ADGRV1: variants seen among roughly 807,000 people sequenced by gnomAD.
ADGRV1 encodes G-protein coupled receptor 98.
ADGRV1 carries 359 observed loss-of-function variants against 596.2 expected under a neutral mutation model. The ratio of observed to expected loss-of-function variants is 0.60; its 90% CI spans 0.55 to 0.66. ADGRV1 has a LOEUF of 0.66. ADGRV1 is among the 30% of genes least tolerant of loss of function. ADGRV1 has a pLI of 0.00. For missense variants in ADGRV1, 7,274 were observed against 7,575.6 expected (o/e 0.96, Z 1.48); for synonymous variants, 2,681 against 2,679.2 (o/e 1.00, Z -0.02).
intron 85 of ADGRV1, among the ~76,000 whole-genome samples, chr5:91,054,086 TGTGTGTGTGTGTGTGTGAGA>T (rs921740274): frequency 5.6e-5 from 7 of 125,796 alleles, no homozygotes; most frequent in African/African-American, 2.3e-4. Flanking sequence ...TGTGTGTGTG[TGTGTGTGTGTGTGTGTGAGA>T]GAGAGAGAGA....
intron 85 of ADGRV1, among the ~76,000 whole-genome samples, chr5:91,033,121 T>G (rs1784610291): frequency 6.6e-6 from 1 of 152,212 alleles, no homozygotes; most frequent in East Asian, 1.9e-4. Context: ...AGCTTTTTGT[T>G]AACTTCCTTT....
intron 86 of ADGRV1, among the ~76,000 whole-genome samples, chr5:91,081,044 A>T (rs951554053): frequency 3.9e-5 from 6 of 152,124 alleles, no homozygotes; most frequent in Admixed American, 6.6e-5. Flanking sequence ...AACAACAGAC[A>T]TTTATTTGTC....
intron 38 of ADGRV1, among the ~76,000 whole-genome samples, chr5:90,708,460 T>C (rs1394791957): frequency 6.6e-6 from 1 of 151,696 alleles, no homozygotes; most frequent in Non-Finnish European, 1.5e-5. Context: ...CATGGTGTTC[T>C]ATTCCTCCTT....
intron 52 of ADGRV1, among the ~76,000 whole-genome samples, chr5:90,749,282 A>G (rs985392189): frequency 6.6e-6 from 1 of 152,248 alleles, no homozygotes; most frequent in African/African-American, 2.4e-5. Context: ...AATGAGATAT[A>G]GCAGATAATG....
At chr5:90,963,460 A>T (rs1778192253) in intron 83 of ADGRV1, among the ~76,000 whole-genome samples, 2 of 152,102 alleles carry the variant, frequency 1.3e-5, no homozygotes. Context: ...CATTCTAGAA[A>T]GGTGAATTTG....
chr5:91,051,891 A>G (rs1786369022), intron 85 of ADGRV1, among the ~76,000 whole-genome samples: 1 of 152,146 alleles, frequency 6.6e-6, no homozygotes. Context: ...TGATGTCATT[A>G]ACAATTCACC....
rs565043619 is a variant in ADGRV1, at chr5:90,686,076, C to T, written c.6490+81C>T. ...CATGTATCCTTGATTAACACAGCCT[C>T]TCAAAGTTGCAATTAGGATAATCAA... On this transcript the variant is annotated intron_variant, in intron 29 of 89. Transcript: ENST00000405460. 4.6e-5 allele frequency: 37 copies of T among 804,296 alleles called. No homozygotes were observed. The African/African-American group carries it at 6.2e-4, about 14-fold the overall frequency. The allele number at this position is 804,296 out of a possible 1,614,324, so 49.8% of individuals were successfully genotyped here. A position where few individuals can be genotyped will look rare whatever the true frequency, so the allele number is the denominator to read the frequency against.
intron 76 of ADGRV1, among the ~76,000 whole-genome samples, chr5:90,823,816 G>T (rs1316931345): frequency 1.3e-5 from 2 of 151,610 alleles, no homozygotes; most frequent in African/African-American, 2.4e-5. Context: ...CTATTTTTTT[G>T]TTTCTTGCCA....
chr5:90,780,153 A>G (rs1201168806), intron 64 of ADGRV1: 1 of 152,190 alleles, frequency 6.6e-6, no homozygotes, highest in Non-Finnish European at 1.5e-5. Context: ...CTGACCAGCT[A>G]GAGCTTGAGG....
intron 40 of ADGRV1, 59 bp from the exon 41 acceptor site, chr5:90,711,125 A>C (rs1175867455): frequency 1.6e-5 from 25 of 1,580,138 alleles, no homozygotes; most frequent in Admixed American, 3.6e-5. Context: ...ACCAAATAAA[A>C]GTTTCTAAGG....
chr5:90,608,134 A>G (rs1762324677), intron 1 of ADGRV1, among the ~76,000 whole-genome samples: 2 of 152,132 alleles, frequency 1.3e-5, no homozygotes, highest in South Asian at 2.1e-4. Context: ...AAATCAAAGA[A>G]TCGGTAATTA....
intron 4 of ADGRV1, among the ~76,000 whole-genome samples, chr5:90,620,753 C>G (rs1374879183): frequency 1.3e-5 from 2 of 152,166 alleles, no homozygotes; most frequent in East Asian, 3.8e-4. Context: ...AGTCTTTAAT[C>G]TATCTTGAAT....
chr5:91,001,003 C>A (rs1010945295), intron 85 of ADGRV1, among the ~76,000 whole-genome samples: 1 of 152,196 alleles, frequency 6.6e-6, no homozygotes, highest in Admixed American at 6.6e-5. Context: ...TTAATCTCAT[C>A]TAAAACCATT....
At chr5:90,986,601 T>A (rs1025562470) in intron 85 of ADGRV1, among the ~76,000 whole-genome samples, 2 of 152,254 alleles carry the variant, frequency 1.3e-5, no homozygotes, top group Admixed American at 1.3e-4. Context: ...CACACACTAA[T>A]ATACTATGTA....
At chr5:90,829,455 T>C (rs1764347537) in intron 77 of ADGRV1, among the ~76,000 whole-genome samples, 1 of 152,218 alleles carries the variant, frequency 6.6e-6, no homozygotes, top group Non-Finnish European at 1.5e-5. Context: ...ATCTGTTTTA[T>C]AAAATCTCTA....
intron 77 of ADGRV1, among the ~76,000 whole-genome samples, chr5:90,833,590 TAC>T (rs1764702353): frequency 1.3e-5 from 2 of 152,220 alleles, no homozygotes; most frequent in Admixed American, 1.3e-4. Flanking sequence ...TAGCCAGTTT[TAC>T]AGTTTTCATT....
chr5:90,999,341 GT>G (rs1038422219), intron 85 of ADGRV1, among the ~76,000 whole-genome samples: 30 of 151,956 alleles, frequency 2.0e-4, no homozygotes, highest in African/African-American at 6.5e-4. Context: ...CAGTTAACAT[GT>G]TGAGAACATT....
intron 85 of ADGRV1, among the ~76,000 whole-genome samples, chr5:91,006,989 C>A (rs1163327294): frequency 6.6e-6 from 1 of 152,208 alleles, no homozygotes; most frequent in African/African-American, 2.4e-5. Context: ...TTCCCACACA[C>A]TCCAGCAAAA....
At chr5:90,948,174 C>T (rs1056517163) in intron 83 of ADGRV1, among the ~76,000 whole-genome samples, 8 of 152,086 alleles carry the variant, frequency 5.3e-5, no homozygotes, top group Non-Finnish European at 8.8e-5. Flanking sequence ...TGACATTATT[C>T]TGTTAGTTAC....
Sources: allele counts gnomAD v4.1 joint callset (sites outside exome capture counted in the v4.1 genomes callset), GRCh38; gene constraint gnomAD v4.1.1; transcripts MANE v1.5; gene names NCBI Gene and HGNC (gene_info 2026-07-23, HGNC 2026-07-21).